IGSF21: variants seen among roughly 807,000 people sequenced by gnomAD.
IGSF21 encodes immunoglobulin superfamily member 21.
IGSF21 carries 28 observed loss-of-function variants against 46.8 expected under a neutral mutation model. The observed-to-expected ratio is 0.60, with a 90% confidence interval of 0.44 to 0.82. The LOEUF is 0.82. Among genes scored for constraint, IGSF21 ranks in the 40% least tolerant of loss-of-function variants. IGSF21 has a pLI of 0.00. For synonymous variants in IGSF21, 284 were observed against 273.6 expected, an observed-to-expected ratio of 1.04 and a Z score of -0.38; for missense variants, 624 against 665.5, an observed-to-expected ratio of 0.94 and a Z score of 0.69.
chr1:18,259,621 T>C (rs1329071874), intron 2 of IGSF21, among the ~76,000 whole-genome samples: 2 of 152,184 alleles, frequency 1.3e-5, no homozygotes, highest in African/African-American at 4.8e-5. Context: ...CCTGACATTT[T>C]ATATAAAGAA....
At chr1:18,171,507 T>A (rs529868960) in intron 1 of IGSF21, among the ~76,000 whole-genome samples, 1 of 152,192 alleles carries the variant, frequency 6.6e-6, no homozygotes, top group African/African-American at 2.4e-5. Context: ...AGGAACTCAG[T>A]CCCCAGCGTC....
At chr1:18,356,986 G>T (rs1344457882) in intron 4 of IGSF21, among the ~76,000 whole-genome samples, 1 of 151,890 alleles carries the variant, frequency 6.6e-6, no homozygotes, top group Non-Finnish European at 1.5e-5. Context: ...ACAGAGATGA[G>T]AATGGAGATG....
chr1:18,213,556 C>A (rs2084413325), intron 1 of IGSF21, among the ~76,000 whole-genome samples: 1 of 152,146 alleles, frequency 6.6e-6, no homozygotes, highest in Admixed American at 6.5e-5. Context: ...AAGTCATATT[C>A]CCCTGGCCAG....
intron 1 of IGSF21, among the ~76,000 whole-genome samples, chr1:18,226,478 G>T (rs1447807308): frequency 6.6e-6 from 1 of 152,168 alleles, no homozygotes. Flanking sequence ...TTGTGGCTTT[G>T]TCAGACCAAG....
At chr1:18,237,864 A>C (rs1176914456) in intron 2 of IGSF21, among the ~76,000 whole-genome samples, 2 of 152,176 alleles carry the variant, frequency 1.3e-5, no homozygotes, top group Non-Finnish European at 2.9e-5. Flanking sequence ...CAGAGAGTTT[A>C]GGGGATTCCA....
chr1:18,155,591 G>A (rs373931728), intron 1 of IGSF21, among the ~76,000 whole-genome samples: 9 of 152,320 alleles, frequency 5.9e-5, no homozygotes, highest in African/African-American at 1.2e-4. Flanking sequence ...GCAGGGCCCC[G>A]GGTGCCCAAA....
chr1:18,184,727 C>T lies in IGSF21; in HGVS notation c.71-43171C>T, dbSNP rs543807703. Among the ~76,000 whole-genome samples, 73 of 152,078 alleles carry T rather than the reference C, an allele frequency of 4.8e-4. 1 individual carries two copies. Among genetic ancestry groups the T allele is most frequent in the Non-Finnish European group, 8.7e-4 (59 of 68,008 alleles). ...TGAAGTAGGAATGGGTGGTTGATGA[C>T]GTGCACCCTCCCTCCCCCAGCTCCT... On this transcript the variant is annotated intron_variant, in intron 1 of 9. Coordinates refer to ENST00000251296, the MANE Select transcript of IGSF21 (RefSeq NM_032880.5).
chr1:18,116,806 G>T (rs936885448), intron 1 of IGSF21, among the ~76,000 whole-genome samples: 4 of 152,372 alleles, frequency 2.6e-5, no homozygotes, highest in African/African-American at 9.6e-5. Flanking sequence ...GCCCAGGAAG[G>T]CTCTGAAGGA....
chr1:18,371,568 T>A lies in IGSF21; in HGVS notation c.1016-4742T>A, dbSNP rs74867719. 1.5e-3 allele frequency among the ~76,000 whole-genome samples: 206 copies of A among 138,910 alleles called. 5 individuals carry two copies. The East Asian group carries it at 0.042, about 28-fold the overall frequency. 91.1% of individuals were successfully genotyped at this position (138,910 alleles called of 152,430 possible). On this transcript the variant is annotated intron_variant, in intron 6 of 9. Coordinates refer to ENST00000251296, the MANE Select transcript of IGSF21 (RefSeq NM_032880.5). ...GCCTAGGCAATAGAGTAAGACTCCA[T>A]TTCAAAAAAAAAAAAAAATGTTGAT...
chr1:18,180,418 G>T (rs74940157), intron 1 of IGSF21, among the ~76,000 whole-genome samples: 14 of 152,202 alleles, frequency 9.2e-5, no homozygotes, highest in Non-Finnish European at 1.6e-4. Context: ...GGAGGTATTG[G>T]CCTTCTTCCA....
At chr1:18,354,417 A>AG (rs1331122265) in intron 4 of IGSF21, among the ~76,000 whole-genome samples, 1 of 152,206 alleles carries the variant, frequency 6.6e-6, no homozygotes, top group Non-Finnish European at 1.5e-5. Flanking sequence ...AAGAAAAAAA[A>AG]AAGAAAGAAA....
chr1:18,191,995 C>A (rs1359511774), intron 1 of IGSF21, among the ~76,000 whole-genome samples: 2 of 152,228 alleles, frequency 1.3e-5, no homozygotes, highest in Non-Finnish European at 2.9e-5. Context: ...CTCCCTCCAG[C>A]CCTCCTGGGC....
At chr1:18,208,902 G>T (rs1355139526) in intron 1 of IGSF21, among the ~76,000 whole-genome samples, 1 of 152,272 alleles carries the variant, frequency 6.6e-6, no homozygotes, top group East Asian at 1.9e-4. Context: ...TGCTGAGAAC[G>T]TGTAGCCAGA....
chr1:18,147,804 T>TG (rs1449327020), intron 1 of IGSF21, among the ~76,000 whole-genome samples: 10 of 152,304 alleles, frequency 6.6e-5, no homozygotes, highest in African/African-American at 2.4e-4. Flanking sequence ...TGATATGGTT[T>TG]GGCTGTGTCC....
intron 3 of IGSF21, among the ~76,000 whole-genome samples, chr1:18,313,057 C>T (rs1051759336): frequency 1.3e-5 from 2 of 152,176 alleles, no homozygotes; most frequent in Non-Finnish European, 2.9e-5. Flanking sequence ...CCCTGTACCC[C>T]CACCATCCAG....
At chr1:18,329,923 T>C (rs1179531206) in intron 3 of IGSF21, among the ~76,000 whole-genome samples, 1 of 152,212 alleles carries the variant, frequency 6.6e-6, no homozygotes, top group African/African-American at 2.4e-5. Context: ...GCCCTCGCTG[T>C]GCCTGGCTTT....
At chr1:18,321,075 C>T (rs549592410) in intron 3 of IGSF21, among the ~76,000 whole-genome samples, 38 of 152,314 alleles carry the variant, frequency 2.5e-4, no homozygotes, top group African/African-American at 8.7e-4. Context: ...CTTTTCTGAT[C>T]GTTTTGTCAA....
intron 3 of IGSF21, among the ~76,000 whole-genome samples, chr1:18,294,398 C>T (rs11582730): frequency 4.7e-4 from 72 of 152,312 alleles, no homozygotes; most frequent in African/African-American, 1.6e-3. Context: ...TCCTTTTATG[C>T]GCTTTCTGTT....
rs1167128196 is a variant in IGSF21, at chr1:18,337,565, A to G, written c.424+2555A>G. 6.6e-6 allele frequency among the ~76,000 whole-genome samples: 1 copy of G among 152,096 alleles called. No individual in the cohort carries two copies. Among genetic ancestry groups the G allele is most frequent in the Non-Finnish European group, 1.5e-5 (1 of 68,032 alleles). ...TAGTCTGAGGAATGACTGCTCTGGG[A>G]ACACAGCTTCACGCACCGTGGCAAC... On this transcript the variant is annotated intron_variant, in intron 4 of 9. Coordinates refer to ENST00000251296, the MANE Select transcript of IGSF21 (RefSeq NM_032880.5). The surrounding 1 kb of genome is among the most constrained non-coding windows in gnomAD (Gnocchi z 5.7).
Sources: gnomAD v4.1 joint callset for allele counts (sites outside exome capture counted in the v4.1 genomes callset) on GRCh38, gnomAD v4.1.1 for gene constraint, Gnocchi (gnomAD v3.1) non-coding constraint, MANE v1.5 for transcripts, NCBI Gene and HGNC (gene_info 2026-07-23, HGNC 2026-07-21) for gene names.